The following EPG5 variants were observed in gnomAD, a reference collection of about 807,000 sequenced individuals.
The protein encoded by EPG5 is ectopic P granules protein 5 homolog.
A neutral mutation model predicts 302.7 loss-of-function variants in EPG5; 159 were observed. The observed-to-expected ratio is 0.53, with a 90% CI of 0.46 to 0.60. The LOEUF is 0.60. Among genes scored for constraint, EPG5 ranks in the 20% least tolerant of loss-of-function variants. The probability of loss-of-function intolerance (pLI) is 0.00; values close to 1 mark genes in which losing one functional copy is unlikely to be tolerated. For synonymous variants in EPG5, 1,158 were observed against 1,136.8 expected, an observed-to-expected ratio of 1.02 and a Z score of -0.37; for missense variants, 2,896 against 3,092.4, an observed-to-expected ratio of 0.94 and a Z score of 1.51.
downstream of EPG5, among the ~76,000 whole-genome samples, chr18:45,846,172 C>T (rs929438922): frequency 6.6e-6 from 1 of 152,070 alleles, no homozygotes; most frequent in African/African-American, 2.4e-5. Flanking sequence ...CCAGTCCCAC[C>T]CCCTCTTCAA....
In EPG5 at chr18:45,866,838, G is replaced by A; in HGVS notation, c.6581C>T (p.Ser2194Phe). Residue 2194 changes from serine (S) to phenylalanine (F), a missense_variant, in exon 38 of 44, where the codon TCT becomes TTT. Physicochemically the swap from Ser to Phe is radical, Grantham distance 155 (BLOSUM62 -2). This residue lies in a region of EPG5 where 620 missense variants were observed against 704.2 expected (regional missense o/e 0.88). Coordinates refer to ENST00000282041, the MANE Select transcript of EPG5 (RefSeq NM_020964.3). ...GTCAGTAGGAATAGAAAGGCCCGCA[G>A]ACACTTTTAGGAGCTTCATGATTAA... is the stretch of plus-strand genomic sequence containing the variant. ...AELIMKLLKVSAGLSIPTDSQ... is the reference protein window; with the variant it reads ...AELIMKLLKVFAGLSIPTDSQ... The A allele has an allele frequency of 6.2e-7, 1 of 1,614,130 alleles. No individual in the cohort carries two copies. The highest frequency in any genetic ancestry group is 8.5e-7 in the Non-Finnish European group (1 of 1,180,002).
At chr18:45,931,545 T>A (rs1179669276) in intron 11 of EPG5, among the ~76,000 whole-genome samples, 1 of 152,124 alleles carries the variant, frequency 6.6e-6, no homozygotes, top group Admixed American at 6.6e-5. Context: ...TAAAAATATA[T>A]GTGCTTGGCC....
intron 6 of EPG5, among the ~76,000 whole-genome samples, chr18:45,948,292 G>C (rs1201295883): frequency 6.6e-6 from 1 of 152,158 alleles, no homozygotes; most frequent in Non-Finnish European, 1.5e-5. Context: ...CACTAAAAGG[G>C]GGAACCCATA....
chr18:45,837,659 T>A, the EPG5 span: 1 of 1,502,438 alleles, frequency 6.7e-7, no homozygotes, highest in Non-Finnish European at 8.8e-7. Context: ...GGGCGAGCCC[T>A]ATGCGGGCCC....
the EPG5 span, chr18:45,842,442 T>TGTGA: frequency 4.3e-5 from 15 of 344,954 alleles, no homozygotes; most frequent in South Asian, 2.0e-4. Context: ...TGTGTGTGTG[T>TGTGA]GAGAGAGAGA....
chr18:45,903,713 C>A (rs2049678680), intron 25 of EPG5, among the ~76,000 whole-genome samples: 1 of 152,114 alleles, frequency 6.6e-6, no homozygotes, highest in African/African-American at 2.4e-5. Flanking sequence ...GAATCTGATT[C>A]ATTTGTATGG....
At chr18:45,858,530 A>G (rs990378861) in intron 41 of EPG5, 36 bp downstream of exon 41, 7 of 1,526,712 alleles carry the variant, frequency 4.6e-6, no homozygotes, top group Admixed American at 1.7e-5. Flanking sequence ...AACCAAATAC[A>G]GCAAGTTTGA....
the EPG5 span, among the ~76,000 whole-genome samples, chr18:45,813,662 A>G: frequency 3.3e-5 from 5 of 151,968 alleles, no homozygotes; most frequent in Admixed American, 3.3e-4. Flanking sequence ...AACTCTCACA[A>G]GGACAAAAAA....
chr18:45,919,695 G>T (rs1229466759), intron 16 of EPG5, among the ~76,000 whole-genome samples: 1 of 152,010 alleles, frequency 6.6e-6, no homozygotes, highest in African/African-American at 2.4e-5. Flanking sequence ...TGTATTTTTA[G>T]TAGAGACGGG....
chr18:45,880,255 G>A, intron 31 of EPG5, 32 bp from the exon 32 acceptor site: 1 of 1,529,230 alleles, frequency 6.5e-7, no homozygotes, highest in Non-Finnish European at 8.8e-7. Flanking sequence ...GCAAGTCAGT[G>A]GCTTTCCCGA....
the EPG5 span, among the ~76,000 whole-genome samples, chr18:45,808,019 T>A: frequency 0.051 from 7,747 of 151,834 alleles, 399 homozygotes; most frequent in African/African-American, 0.14. Context: ...ATGAAATAGA[T>A]AACAAAAATA....
At chr18:45,842,057 T>G in the EPG5 span, 1 of 1,577,552 alleles carries the variant, frequency 6.3e-7, no homozygotes. Flanking sequence ...TGGGCAGTTG[T>G]GGACCTCCCA....
intron 36 of EPG5, among the ~76,000 whole-genome samples, chr18:45,870,093 T>A (rs1245896793): frequency 6.6e-6 from 1 of 152,216 alleles, no homozygotes; most frequent in African/African-American, 2.4e-5. Context: ...ACGATTATGA[T>A]GCATCATCGG....
chr18:45,952,575 A>G lies in EPG5; in HGVS notation c.1077T>C (p.Asn359=). 6.2e-7 allele frequency: 1 copy of G among 1,614,106 alleles called. No homozygotes were observed. Among genetic ancestry groups the G allele is most frequent in the South Asian group, 1.1e-5 (1 of 91,082 alleles). ...HRYQRVEMNE[N]ALVELKKLFD... ...ATAGCTTCTTTAGCTCCACCAGTGC[A>G]TTTTCATTCATTTCTACTCTTTGGT... is the stretch of plus-strand genomic sequence containing the variant. Residue 359 remains asparagine, a synonymous_variant, in exon 3 of 44, where the codon AAT becomes AAC. Transcript: ENST00000282041.
At position 45,903,935 on chromosome 18, in the gene EPG5, T is replaced by TTCAC. The variant is rs146498284; in HGVS notation, c.4474+34_4474+37dup. 21,754 of 1,574,674 alleles carry TTCAC rather than the reference T, an allele frequency of 0.014. 208 individuals carry two copies. The highest frequency in any genetic ancestry group is 0.025 in the South Asian group (2,108 of 84,672). On this transcript the variant is annotated intron_variant, in intron 25 of 43. Transcript: ENST00000282041. ...TCAATGGCTCTGATTCAATCATTCATTCACTCATTCGAAGGGGCAGGTGCT... is the reference window on the plus strand; with the variant it reads ...TCAATGGCTCTGATTCAATCATTCATTCACTCACTCATTCGAAGGGGCAGGTGCT...
the EPG5 span, among the ~76,000 whole-genome samples, chr18:45,824,973 A>G: frequency 1.3e-5 from 2 of 152,170 alleles, no homozygotes; most frequent in African/African-American, 4.8e-5. Context: ...GGGCAGAAGG[A>G]CAGGGAGGTG....
Position 45,952,415 on chromosome 18 carries a change from G to C in EPG5, c.1237C>G (p.His413Asp), listed in dbSNP as rs2050930158. 1.2e-6 allele frequency: 2 copies of C among 1,614,002 alleles called. No homozygotes were observed. Among genetic ancestry groups the C allele is most frequent in the Non-Finnish European group, 1.7e-6 (2 of 1,180,000 alleles). ...ACTTACATACCTCGGCCTTGCTGGT[G>C]AATTGCTGAAGATCTCAGAACAGCT... Reference protein sequence around the residue: ...SSAVLRSSAIHQQGRASKQTE... With the variant: ...SSAVLRSSAIDQQGRASKQTE... The change falls in exon 3 of 44, where the codon CAC becomes GAC. Residue 413 changes from histidine to aspartate, a missense_variant. His to Asp is a moderately conservative substitution (Grantham distance 81, BLOSUM62 -1). Transcript: ENST00000282041.
intron 1 of EPG5, among the ~76,000 whole-genome samples, chr18:45,965,805 G>C (rs533013192): frequency 6.6e-6 from 1 of 152,180 alleles, no homozygotes; most frequent in East Asian, 1.9e-4. Context: ...TGTAATCCGG[G>C]CACTTTGGGA....
chr18:45,892,602 CA>C (rs1271654986), intron 27 of EPG5, among the ~76,000 whole-genome samples: 2 of 152,162 alleles, frequency 1.3e-5, no homozygotes, highest in Non-Finnish European at 2.9e-5. Flanking sequence ...CAAAGTACAT[CA>C]AAAGGAACCC....
Sources: gnomAD v4.1 joint callset for allele counts (sites outside exome capture counted in the v4.1 genomes callset) on GRCh38, gnomAD v4.1.1 for gene constraint, gnomAD v4.1.1 regional missense constraint, MANE v1.5 for transcripts, NCBI Gene and HGNC (gene_info 2026-07-23, HGNC 2026-07-21) for gene names.